Variants in BTBD9 observed in about 807,000 individuals in gnomAD.
The protein encoded by BTBD9 is BTB domain containing 9.
Under a neutral mutation model 64.3 loss-of-function variants are expected in BTBD9, and 49 were observed. The observed-to-expected ratio is 0.76, with a 90% confidence interval of 0.61 to 0.97. BTBD9 has a LOEUF of 0.97. Ranked by LOEUF, BTBD9 falls within the 50% of genes least tolerant of loss-of-function variation. The pLI is 0.00. For synonymous variants in BTBD9, 260 were observed against 274.7 expected, an observed-to-expected ratio of 0.95 and a Z score of 0.53; for missense variants, 598 against 762.1, an observed-to-expected ratio of 0.78 and a Z score of 2.53.
In BTBD9 at chr6:38,351,738, A is replaced by G. The variant is rs1030974062; in HGVS notation, c.1155-6645T>C. 3.1e-4 allele frequency among the ~76,000 whole-genome samples: 47 copies of G among 151,954 alleles called. No homozygotes were observed. In the East Asian group the frequency reaches 7.4e-3, roughly 24 times the overall value. On this transcript the variant is annotated intron_variant, in intron 6 of 10. Transcript: ENST00000481247. ...ATGGTCTCGATCTCCTGACTTCGTG[A>G]TCTGCCCGCCTCGGCCTCCCAAAGT...
At chr6:38,549,197 C>T (rs1235635025) in intron 6 of BTBD9, among the ~76,000 whole-genome samples, 6 of 152,180 alleles carry the variant, frequency 3.9e-5, no homozygotes, top group Admixed American at 6.5e-5. Context: ...GAGCTATGAA[C>T]GCTGGTAAGA....
intron 9 of BTBD9, among the ~76,000 whole-genome samples, chr6:38,214,444 C>A (rs1049638470): frequency 1.4e-4 from 22 of 152,308 alleles, no homozygotes; most frequent in African/African-American, 5.1e-4. Context: ...TAAGTACATA[C>A]ATTAAGTTAA....
chr6:38,244,631 C>T (rs1295596525), intron 9 of BTBD9, among the ~76,000 whole-genome samples: 7 of 152,094 alleles, frequency 4.6e-5, no homozygotes, highest in Non-Finnish European at 8.8e-5. Context: ...TAAAAATAAA[C>T]TTTACTCTCT....
chr6:38,211,874 A>C (rs1055187220), intron 9 of BTBD9, among the ~76,000 whole-genome samples: 1 of 152,122 alleles, frequency 6.6e-6, no homozygotes, highest in Non-Finnish European at 1.5e-5. Context: ...GGCAATAAAC[A>C]CTCAGACCAG....
intron 6 of BTBD9, among the ~76,000 whole-genome samples, chr6:38,564,800 G>A (rs1256632076): frequency 2.6e-5 from 4 of 152,144 alleles, no homozygotes; most frequent in Non-Finnish European, 5.9e-5. Flanking sequence ...GCTGAGGCAG[G>A]AGAATCGCAT....
At chr6:38,485,546 G>A (rs965960876) in intron 6 of BTBD9, among the ~76,000 whole-genome samples, 4 of 152,192 alleles carry the variant, frequency 2.6e-5, no homozygotes, top group African/African-American at 7.2e-5. Flanking sequence ...ATCATAGCTC[G>A]TGGGTGACCA....
At chr6:38,243,996 A>T (rs1444780021) in intron 9 of BTBD9, among the ~76,000 whole-genome samples, 1 of 151,614 alleles carries the variant, frequency 6.6e-6, no homozygotes, top group Non-Finnish European at 1.5e-5. Flanking sequence ...TTAGATCCAG[A>T]GGCTGGCTGC....
At chr6:38,237,232 T>C (rs964444800) in intron 9 of BTBD9, among the ~76,000 whole-genome samples, 1 of 152,214 alleles carries the variant, frequency 6.6e-6, no homozygotes, top group African/African-American at 2.4e-5. Flanking sequence ...GTGTATGTTG[T>C]TTTCAAATCA....
At chr6:38,286,133 T>G (rs1316312864) in intron 8 of BTBD9, among the ~76,000 whole-genome samples, 1 of 152,164 alleles carries the variant, frequency 6.6e-6, no homozygotes, top group Non-Finnish European at 1.5e-5. Context: ...AGGTACAAAC[T>G]CGAGGCTTCT....
At chr6:38,457,156 G>A (rs559938420) in intron 6 of BTBD9, among the ~76,000 whole-genome samples, 7 of 152,168 alleles carry the variant, frequency 4.6e-5, no homozygotes, top group Non-Finnish European at 1.0e-4. Context: ...TAGGAGATGA[G>A]GACAAAGAAG....
chr6:38,315,219 C>G (rs1582216244), intron 7 of BTBD9, among the ~76,000 whole-genome samples: 3 of 152,210 alleles, frequency 2.0e-5, no homozygotes, highest in Admixed American at 2.0e-4. Flanking sequence ...TTTTATTTTT[C>G]AAAAAGGAAA....
At chr6:38,195,273 T>C (rs1333329593) in intron 9 of BTBD9, among the ~76,000 whole-genome samples, 9 of 152,218 alleles carry the variant, frequency 5.9e-5, no homozygotes, top group Non-Finnish European at 8.8e-5. Context: ...CCACCTGCAT[T>C]GTTTAGTCAA....
At chr6:38,439,110 C>CTTTTTTTTTTTTTTTTTT (rs35699356) in intron 6 of BTBD9, among the ~76,000 whole-genome samples, 5 of 64,052 alleles carry the variant, frequency 7.8e-5, no homozygotes, top group African/African-American at 3.4e-4. Context: ...TAGCAACTGA[C>CTTTTTTTTTTTTTTTTTT]TTTTTTTTTT....
chr6:38,177,820 A>T (rs548647569), intron 10 of BTBD9, among the ~76,000 whole-genome samples: 2 of 152,374 alleles, frequency 1.3e-5, no homozygotes, highest in East Asian at 3.9e-4. Flanking sequence ...ATAATAATGC[A>T]AATGGCTGTT....
At chr6:38,442,645 CAG>C (rs1769087805) in intron 6 of BTBD9, among the ~76,000 whole-genome samples, 1 of 140,162 alleles carries the variant, frequency 7.1e-6, no homozygotes, top group South Asian at 2.3e-4. Context: ...TCATATAGAA[CAG>C]ACTCATTTGT....
chr6:38,499,996 G>T (rs1011958242), intron 6 of BTBD9, among the ~76,000 whole-genome samples: 1 of 152,114 alleles, frequency 6.6e-6, no homozygotes, highest in Non-Finnish European at 1.5e-5. Flanking sequence ...TTCTTAACTT[G>T]CAATAGTCAT....
intron 6 of BTBD9, among the ~76,000 whole-genome samples, chr6:38,518,087 C>A (rs1264789436): frequency 6.6e-6 from 1 of 152,070 alleles, no homozygotes; most frequent in Non-Finnish European, 1.5e-5. Context: ...AAGACCAGGG[C>A]CAATACAGTA....
At chr6:38,568,203 A>G (rs1467542534) in intron 6 of BTBD9, among the ~76,000 whole-genome samples, 2 of 152,232 alleles carry the variant, frequency 1.3e-5, no homozygotes, top group Admixed American at 6.5e-5. Context: ...ATTATTAACT[A>G]CTCAACAATA....
intron 6 of BTBD9, among the ~76,000 whole-genome samples, chr6:38,392,777 A>C (rs566316171): frequency 1.9e-4 from 29 of 152,200 alleles, no homozygotes; most frequent in Admixed American, 5.9e-4. Context: ...ACACCAAAAA[A>C]TATAGAGTTA....
Sources: gnomAD v4.1 joint callset for allele counts (sites outside exome capture counted in the v4.1 genomes callset) on GRCh38, gnomAD v4.1.1 for gene constraint, MANE v1.5 for transcripts, NCBI Gene and HGNC (gene_info 2026-07-23, HGNC 2026-07-21) for gene names.